Variants in MFSD12 observed in about 807,000 individuals in gnomAD.
MFSD12 encodes the protein major facilitator superfamily domain-containing protein 12.
Under a neutral mutation model 51.2 loss-of-function variants are expected in MFSD12, and 67 were observed. The observed-to-expected ratio is 1.31, with a 90% CI of 1.08 to 1.60. The LOEUF (loss-of-function observed/expected upper bound fraction) is 1.60. Among genes scored for constraint, MFSD12 ranks in the 40% most tolerant of loss-of-function variants. MFSD12 has a pLI of 0.00. For missense variants in MFSD12, 921 were observed against 673.0 expected, an observed-to-expected ratio of 1.37 and a Z score of -4.08; for synonymous variants, 441 against 316.7, an observed-to-expected ratio of 1.39 and a Z score of -4.17.
chr19:3,543,539 C>T, downstream of MFSD12: 3 of 1,519,178 alleles, frequency 2.0e-6, no homozygotes, highest in Non-Finnish European at 2.6e-6. Flanking sequence ...GACCGCCAGC[C>T]CCCGCCCCAC....
In MFSD12 at chr19:3,547,470, C is replaced by T. The variant is rs1434378264; in HGVS notation, c.915G>A (p.Ser305=). 16 of 1,612,926 alleles carry T rather than the reference C, an allele frequency of 9.9e-6. No individual in the cohort carries two copies. The highest frequency in any genetic ancestry group is 3.3e-5 in the South Asian group (3 of 91,076). The change falls in exon 5 of 10, where the codon TCG becomes TCA. Residue 305 remains serine, a synonymous_variant. Coordinates refer to ENST00000355415, the MANE Select transcript of MFSD12 (RefSeq NM_174983.5). ...QTYMAMYLTY[S]LHLPKKFIAT... ...ATCTGCTCACCTTGGGCAGGTGGAG[C>T]GAGTAGGTGAGGTACATGGCCATGT...
At chr19:3,540,917 T>C (rs951171215), downstream of MFSD12, among the ~76,000 whole-genome samples, 2 of 144,764 alleles carry the variant, frequency 1.4e-5, no homozygotes, top group African/African-American at 5.0e-5. Context: ...ACGCCTGTAA[T>C]CCCCACATTT....
chr19:3,548,532 G>C (rs1042729306), intron 2 of MFSD12, among the ~76,000 whole-genome samples: 1 of 152,184 alleles, frequency 6.6e-6, no homozygotes, highest in African/African-American at 2.4e-5. Flanking sequence ...GCGGAGTCCA[G>C]GCTACAACCC....
In MFSD12 at chr19:3,547,995, C is replaced by A. The variant is rs764084073; in HGVS notation, c.690G>T (p.Val230=). The change falls in exon 4 of 10, where the codon GTG becomes GTT. Residue 230 remains valine (V), a synonymous_variant. Coordinates refer to ENST00000355415, the MANE Select transcript of MFSD12 (RefSeq NM_174983.5). ...LSLLVVGVGA[V]FSLLFHLGTR... is the part of the protein sequence containing the mutation. ...TGCCCAGGTGGAATAGCAGTGAGAA[C>A]ACGGCGCCGACACCCACCACCAGCA... The A allele has an allele frequency of 6.3e-7, 1 of 1,599,000 alleles. No homozygotes were observed. Among genetic ancestry groups the A allele is most frequent in the African/African-American group, 1.3e-5 (1 of 74,850 alleles).
intron 4 of MFSD12, 52 bp downstream of exon 4, chr19:3,547,796 C>G (rs2145196397): frequency 6.9e-7 from 1 of 1,452,488 alleles, no homozygotes; most frequent in East Asian, 2.5e-5. Flanking sequence ...GAGCAAAGGC[C>G]CTGTGGGTGG....
Position 3,547,362 on chromosome 19 carries a change from C to T in MFSD12, c.933G>A (p.Lys311=), listed in dbSNP as rs747635378. The part of the protein sequence containing the change: ...YLTYSLHLPK[K]FIATIPLVMY... Reference sequence around the variant, plus strand: ...TCACCAGGGGAATGGTCGCGATGAACTTCTGCGGAGGCAGAGCCAGGCATG... The same window carrying T: ...TCACCAGGGGAATGGTCGCGATGAATTTCTGCGGAGGCAGAGCCAGGCATG... Residue 311 remains lysine, a splice_region_variant and synonymous_variant, in exon 6 of 10, where the codon AAG becomes AAA. Transcript: ENST00000355415. The T allele has an allele frequency of 6.2e-7, 1 of 1,613,308 alleles. No individual in the cohort carries two copies. Among genetic ancestry groups the T allele is most frequent in the East Asian group, 2.2e-5 (1 of 44,872 alleles).
At chr19:3,556,965 C>G in intron 1 of MFSD12, 141 bp downstream of exon 1, 2 of 825,898 alleles carry the variant, frequency 2.4e-6, no homozygotes, top group Non-Finnish European at 3.5e-6. Flanking sequence ...CAGGGAAGCT[C>G]GGGCCACGGG....
chr19:3,552,186 T>A (rs903974757), intron 1 of MFSD12, among the ~76,000 whole-genome samples: 5 of 151,448 alleles, frequency 3.3e-5, no homozygotes, highest in African/African-American at 7.3e-5. Flanking sequence ...TTTTTTTTTT[T>A]AGACAGAGTC....
chr19:3,546,562 C>A lies in MFSD12; in HGVS notation c.1024-137G>T, dbSNP rs975086996. ...TCCCTAAGGAGCCCTGGCTCTGGCC[C>A]TGGACACAACACCGAGGCTCTGCAG... On this transcript the variant is annotated intron_variant, in intron 6 of 9. Transcript: ENST00000355415. 1.1e-5 allele frequency: 11 copies of A among 1,006,834 alleles called. No homozygotes were observed. The East Asian group carries it at 2.6e-4, about 24-fold the overall frequency. The allele number at this position is 1,006,834 out of a possible 1,614,324, so 62.4% of individuals were successfully genotyped here.
downstream of MFSD12, among the ~76,000 whole-genome samples, chr19:3,540,358 A>G (rs1162970870): frequency 6.6e-6 from 1 of 151,300 alleles, no homozygotes; most frequent in African/African-American, 2.4e-5. Flanking sequence ...CCCTGGTTCG[A>G]GCGATTCTCC....
At chr19:3,544,182 G>A, downstream of MFSD12, 4 of 1,369,952 alleles carry the variant, frequency 2.9e-6, no homozygotes, top group Non-Finnish European at 3.8e-6. Flanking sequence ...CCCCCCGCAG[G>A]CAGACAGGAG....
At position 3,546,106 on chromosome 19, in the gene MFSD12, T is replaced by C; in HGVS notation, c.1257A>G (p.Ala419=). ...SFLDKVANGL[A]VMAIQSLHPC... ...GGTGCAGGCTCTGGATGGCCATGACTGCCAGCCCATTGGCCACCTTATCCA... is the reference window on the plus strand; with the variant it reads ...GGTGCAGGCTCTGGATGGCCATGACCGCCAGCCCATTGGCCACCTTATCCA... Residue 419 remains alanine (A), a synonymous_variant, in exon 8 of 10, where the codon GCA becomes GCG. Transcript: ENST00000355415. 6.2e-7 allele frequency: 1 copy of C among 1,613,394 alleles called. No homozygotes were observed.
At chr19:3,541,037 C>T (rs779587530), downstream of MFSD12, among the ~76,000 whole-genome samples, 76 of 150,456 alleles carry the variant, frequency 5.1e-4, no homozygotes, top group Non-Finnish European at 9.3e-4. Context: ...GTTGTGGTGG[C>T]GGGCGCCTGC....
At position 3,546,414 on chromosome 19, in the gene MFSD12, G is replaced by T; in HGVS notation, c.1035C>A (p.Phe345Leu). Residue 345 changes from phenylalanine to leucine, a missense_variant, in exon 7 of 10, where the codon TTC becomes TTA. By Grantham distance (22) the Phe-to-Leu change is conservative. Coordinates refer to ENST00000355415, the MANE Select transcript of MFSD12 (RefSeq NM_174983.5). ...AGGCCAGGATCACCAGGAGGCCTGA[G>T]AAGTAGGTCATCTGCAGGGACAGCC... ...NKCIGRNMTYFSGLLVILAFA... is the reference protein window; with the variant it reads ...NKCIGRNMTYLSGLLVILAFA... 7 of 1,606,084 alleles carry T rather than the reference G, an allele frequency of 4.4e-6. No homozygotes were observed. The highest frequency in any genetic ancestry group is 5.1e-6 in the Non-Finnish European group (6 of 1,177,118).
downstream of MFSD12, among the ~76,000 whole-genome samples, chr19:3,541,227 T>G (rs1433256269): frequency 1.3e-5 from 2 of 150,500 alleles, no homozygotes; most frequent in Admixed American, 6.6e-5. Flanking sequence ...TGCCAGCTAC[T>G]TGGGAGGCTG....
At chr19:3,543,236 G>C (rs73920156), downstream of MFSD12, 87 of 1,542,732 alleles carry the variant, frequency 5.6e-5, no homozygotes, top group African/African-American at 1.0e-3. Flanking sequence ...CACCCTCAGC[G>C]ATGACTACCT....
In MFSD12 at chr19:3,544,263, A is replaced by C. The variant is rs546364518; in HGVS notation, c.*447T>G. 8.4e-6 allele frequency: 11 copies of C among 1,310,402 alleles called. No individual in the cohort carries two copies. In the Admixed American group the frequency reaches 2.2e-4, roughly 26 times the overall value. 81.2% of individuals were successfully genotyped at this position (1,310,402 alleles called of 1,614,324 possible). On this transcript the variant is annotated 3_prime_UTR_variant, in exon 10 of 10. Coordinates refer to ENST00000355415, the MANE Select transcript of MFSD12 (RefSeq NM_174983.5). ...AGCCTGCCGGGCAGCCCTGCTGCCCACCACGGTGGGGTCCAGGCCCAGCCC... is the reference window on the plus strand; with the variant it reads ...AGCCTGCCGGGCAGCCCTGCTGCCCCCCACGGTGGGGTCCAGGCCCAGCCC...
chr19:3,543,752 C>T (rs1599816337), downstream of MFSD12: 5 of 1,490,388 alleles, frequency 3.4e-6, no homozygotes, highest in East Asian at 2.5e-5. Context: ...GTGAAACTGC[C>T]CGGGGCGATC....
chr19:3,543,844 G>C (rs368547478), downstream of MFSD12: 2 of 1,537,940 alleles, frequency 1.3e-6, no homozygotes, highest in South Asian at 2.4e-5. Context: ...AACAGGAACC[G>C]GTACGGGGTG....
Sources: gnomAD v4.1 joint callset for allele counts (sites outside exome capture counted in the v4.1 genomes callset) on GRCh38, gnomAD v4.1.1 for gene constraint, MANE v1.5 for transcripts, NCBI Gene and HGNC (gene_info 2026-07-23, HGNC 2026-07-21) for gene names.